Variants in HHAT observed in about 807,000 individuals in gnomAD.
HHAT encodes the protein hedgehog acyltransferase.
In HHAT, 47 loss-of-function variants were observed where a neutral mutation model predicts 70.8. The observed-to-expected ratio is 0.66, with a 90% confidence interval of 0.53 to 0.85. HHAT has a LOEUF of 0.85. Among genes scored for constraint, HHAT ranks in the 40% least tolerant of loss-of-function variants. The pLI, the probability that HHAT is intolerant of heterozygous loss-of-function variation, is 0.00. For synonymous variants in HHAT, 228 were observed against 247.6 expected, an observed-to-expected ratio of 0.92 and a Z score of 0.74; for missense variants, 609 against 604.8, an observed-to-expected ratio of 1.01 and a Z score of -0.07.
rs780355534 is a variant in HHAT at position 210,551,064 on chromosome 1, A to G, written c.1044-36834A>G. ...GGATGTAAGAATCCTGACATCAGCT[A>G]GAGTCTGAGTTTCAGTAGTAAGTTA... is the stretch of plus-strand genomic sequence containing the variant. On this transcript the variant is annotated intron_variant, in intron 9 of 11. Coordinates refer to ENST00000261458, the MANE Select transcript of HHAT (RefSeq NM_018194.6). Among the ~76,000 whole-genome samples the G allele has an allele frequency of 5.4e-5, 8 of 148,970 alleles. 1 individual carries two copies. The highest frequency in any genetic ancestry group is 8.8e-5 in the Non-Finnish European group (6 of 67,858).
chr1:210,551,778 G>A (rs1300209138), intron 9 of HHAT, among the ~76,000 whole-genome samples: 1 of 152,200 alleles, frequency 6.6e-6, no homozygotes, highest in African/African-American at 2.4e-5. Flanking sequence ...CTTTACAGAA[G>A]CTTTTGCCTT....
chr1:210,653,378 T>A (rs1675595648), intron 11 of HHAT, among the ~76,000 whole-genome samples: 1 of 151,990 alleles, frequency 6.6e-6, no homozygotes, highest in Non-Finnish European at 1.5e-5. Context: ...AAAAGTTATC[T>A]GGATGTGATG....
At chr1:210,606,963 A>G (rs942629354) in intron 10 of HHAT, among the ~76,000 whole-genome samples, 5 of 152,224 alleles carry the variant, frequency 3.3e-5, no homozygotes, top group African/African-American at 1.2e-4. Context: ...CTAAAATTTT[A>G]CTGTGCCCAT....
At chr1:210,622,667 C>A (rs994767422) in intron 10 of HHAT, among the ~76,000 whole-genome samples, 1 of 152,154 alleles carries the variant, frequency 6.6e-6, no homozygotes, top group Non-Finnish European at 1.5e-5. Flanking sequence ...ACGTGTGCTG[C>A]GGGTGAAGTG....
At chr1:210,525,103 C>T (rs1234419653) in intron 9 of HHAT, among the ~76,000 whole-genome samples, 1 of 151,978 alleles carries the variant, frequency 6.6e-6, no homozygotes, top group Non-Finnish European at 1.5e-5. Context: ...AGGGCTTTGG[C>T]TCCTTCACTG....
intron 7 of HHAT, among the ~76,000 whole-genome samples, chr1:210,454,767 T>C (rs58296572): frequency 6.6e-6 from 1 of 152,228 alleles, no homozygotes; most frequent in Non-Finnish European, 1.5e-5. Context: ...CAACACATCT[T>C]TCCTTTAAAG....
intron 10 of HHAT, among the ~76,000 whole-genome samples, chr1:210,618,710 A>G (rs1000048181): frequency 6.6e-6 from 1 of 151,854 alleles, no homozygotes; most frequent in Admixed American, 6.6e-5. Flanking sequence ...TTCCCCATGT[A>G]TGTTTCTAGT....
chr1:210,474,838 G>A (rs922914553), intron 8 of HHAT, among the ~76,000 whole-genome samples: 9 of 142,020 alleles, frequency 6.3e-5, no homozygotes, highest in Non-Finnish European at 1.2e-4. Context: ...TTTTTTTTCC[G>A]TTTTTTTTGT....
chr1:210,492,782 A>G (rs769279251), intron 8 of HHAT, among the ~76,000 whole-genome samples: 2 of 152,200 alleles, frequency 1.3e-5, no homozygotes, highest in Non-Finnish European at 2.9e-5. Flanking sequence ...TCATTTTAGT[A>G]GCAACTGGCT....
At position 210,623,540 on chromosome 1, in the gene HHAT, C is replaced by G; in HGVS notation, c.1260C>G (p.Ser420=). Residue 420 remains serine, a synonymous_variant, in exon 11 of 12, where the codon TCC becomes TCG. Coordinates refer to ENST00000261458, the MANE Select transcript of HHAT (RefSeq NM_018194.6). ...CIQDSLARYF[S]PQARRRFHAA... is the part of the protein sequence containing the mutation. ...TTTTCCCGTAGGCCCGATACTTCTC[C>G]CCACAAGCTCGCCGTCGATTCCACG... 6.2e-7 allele frequency: 1 copy of G among 1,614,054 alleles called. No homozygotes were observed. Among genetic ancestry groups the G allele is most frequent in the Non-Finnish European group, 8.5e-7 (1 of 1,179,988 alleles).
At chr1:210,448,715 T>TA (rs991019999) in intron 7 of HHAT, among the ~76,000 whole-genome samples, 59 of 152,288 alleles carry the variant, frequency 3.9e-4, no homozygotes, top group African/African-American at 1.4e-3. Context: ...CCTGTGAAAT[T>TA]AAAAAAATTC....
intron 3 of HHAT, among the ~76,000 whole-genome samples, chr1:210,375,934 C>G (rs1362958633): frequency 6.6e-6 from 1 of 151,248 alleles, no homozygotes; most frequent in African/African-American, 2.4e-5. Flanking sequence ...TCACTGCAAT[C>G]TCTGCCTCCC....
intron 2 of HHAT, among the ~76,000 whole-genome samples, chr1:210,362,544 T>G (rs532246012): frequency 6.6e-6 from 1 of 152,368 alleles, no homozygotes. Context: ...TAACAGCGTG[T>G]GCACATGGGC....
intron 3 of HHAT, among the ~76,000 whole-genome samples, chr1:210,376,014 ATTTTTTTTT>A (rs57707354): frequency 5.1e-4 from 55 of 108,890 alleles, no homozygotes; most frequent in Admixed American, 2.3e-3. Flanking sequence ...TGCACAGCTA[ATTTTTTTTT>A]TTTTTTTTTT....
intron 9 of HHAT, among the ~76,000 whole-genome samples, chr1:210,570,424 G>A (rs1353822671): frequency 6.6e-6 from 1 of 152,168 alleles, no homozygotes; most frequent in Non-Finnish European, 1.5e-5. Context: ...GTGGTGTTGG[G>A]CATGACAATG....
chr1:210,524,262 T>G (rs2148615025), intron 9 of HHAT, among the ~76,000 whole-genome samples: 1 of 152,282 alleles, frequency 6.6e-6, no homozygotes, highest in African/African-American at 2.4e-5. Context: ...TAAAATTTTT[T>G]TAAATGGAAG....
At chr1:210,558,260 C>T (rs1164732996) in intron 9 of HHAT, among the ~76,000 whole-genome samples, 2 of 152,218 alleles carry the variant, frequency 1.3e-5, no homozygotes, top group Non-Finnish European at 2.9e-5. Flanking sequence ...ACCTAGTGGT[C>T]TCAGTGTCCC....
intron 3 of HHAT, among the ~76,000 whole-genome samples, chr1:210,386,448 C>T (rs957185721): frequency 1.7e-4 from 25 of 151,076 alleles, no homozygotes; most frequent in African/African-American, 4.9e-4. Flanking sequence ...CCGTTTTAGC[C>T]GGGATGGTCT....
intron 7 of HHAT, among the ~76,000 whole-genome samples, chr1:210,455,681 ATAG>A (rs975539712): frequency 6.6e-6 from 1 of 152,112 alleles, no homozygotes; most frequent in African/African-American, 2.4e-5. Flanking sequence ...ATGGGGAGTA[ATAG>A]TAGTTCTCAC....
Sources: gnomAD v4.1 joint callset for allele counts (sites outside exome capture counted in the v4.1 genomes callset) on GRCh38, gnomAD v4.1.1 for gene constraint, MANE v1.5 for transcripts, NCBI Gene and HGNC (gene_info 2026-07-23, HGNC 2026-07-21) for gene names.